Variants in RANBP2 observed in about 807,000 individuals in gnomAD.
The protein encoded by RANBP2 is E3 SUMO-protein ligase RanBP2.
RANBP2 carries 57 observed loss-of-function variants against 303.6 expected under a neutral mutation model. The observed-to-expected ratio is 0.19, with a 90% CI of 0.15 to 0.23. RANBP2 has a LOEUF of 0.23. RANBP2 is among the 10% of genes least tolerant of loss of function. The pLI is 1.00. For missense variants in RANBP2, 3,138 were observed against 3,780.8 expected (o/e 0.83, Z 4.46); for synonymous variants, 1,167 against 1,301.5 (o/e 0.90, Z 2.23).
chr2:108,982,991 T>C, the RANBP2 span, among the ~76,000 whole-genome samples: 19 of 152,342 alleles, frequency 1.2e-4, 3 homozygotes, highest in East Asian at 7.7e-4. Flanking sequence ...CTGCTGAATG[T>C]AAATGGTACT....
the RANBP2 span, among the ~76,000 whole-genome samples, chr2:109,608,806 C>G: frequency 1.9e-4 from 29 of 152,170 alleles, no homozygotes; most frequent in Non-Finnish European, 4.0e-4. Context: ...AAAGCATTAT[C>G]TAAATCAACC....
chr2:109,428,935 T>C, the RANBP2 span, among the ~76,000 whole-genome samples: 1 of 152,146 alleles, frequency 6.6e-6, no homozygotes, highest in Admixed American at 6.5e-5. Flanking sequence ...CCCAGGTGCA[T>C]GTGTCTACGA....
the RANBP2 span, among the ~76,000 whole-genome samples, chr2:109,281,864 G>C: frequency 6.6e-6 from 1 of 152,210 alleles, no homozygotes; most frequent in African/African-American, 2.4e-5. Flanking sequence ...CAGCGGGCTA[G>C]AGCTGACGGT....
chr2:109,303,660 C>T, the RANBP2 span, among the ~76,000 whole-genome samples: 2 of 152,226 alleles, frequency 1.3e-5, no homozygotes, highest in African/African-American at 4.8e-5. Context: ...GTGCAGGAGA[C>T]TGCCCACATT....
At chr2:109,008,858 C>T in the RANBP2 span, among the ~76,000 whole-genome samples, 6 of 150,120 alleles carry the variant, frequency 4.0e-5, no homozygotes, top group East Asian at 1.2e-3. Context: ...AAGATCGCAC[C>T]ACTGCACTCC....
At chr2:109,145,600 G>C in the RANBP2 span, among the ~76,000 whole-genome samples, 1 of 152,188 alleles carries the variant, frequency 6.6e-6, no homozygotes, top group South Asian at 2.1e-4. Context: ...ATGGTCGAGC[G>C]ACCTTTGGCA....
the RANBP2 span, among the ~76,000 whole-genome samples, chr2:109,087,476 G>A: frequency 1.1e-4 from 16 of 152,232 alleles, no homozygotes; most frequent in East Asian, 7.7e-4. Flanking sequence ...AACTCTGAGC[G>A]CAGGGCTCTC....
chr2:109,221,444 G>A, the RANBP2 span, among the ~76,000 whole-genome samples: 1 of 152,144 alleles, frequency 6.6e-6, no homozygotes, highest in Non-Finnish European at 1.5e-5. Flanking sequence ...TTAGCCAAGT[G>A]TGGTGGTGCA....
chr2:109,325,331 C>CTTTTTTT, the RANBP2 span, among the ~76,000 whole-genome samples: 42 of 66,230 alleles, frequency 6.3e-4, no homozygotes, highest in African/African-American at 1.1e-3. Flanking sequence ...TTCTTTCTTT[C>CTTTTTTT]TTTTTTTTTT....
chr2:109,136,898 A>G, the RANBP2 span, among the ~76,000 whole-genome samples: 2 of 152,248 alleles, frequency 1.3e-5, no homozygotes, highest in South Asian at 4.1e-4. Context: ...ACCTCACCAG[A>G]GAATCAGGGA....
the RANBP2 span, among the ~76,000 whole-genome samples, chr2:109,370,531 G>A: frequency 1.3e-5 from 2 of 152,102 alleles, no homozygotes; most frequent in South Asian, 2.1e-4. Context: ...GAGCCACCGC[G>A]CCCGGCCATC....
chr2:109,240,998 TGCCTCCCTTTTG>T, the RANBP2 span, among the ~76,000 whole-genome samples: 3 of 152,290 alleles, frequency 2.0e-5, no homozygotes, highest in South Asian at 6.2e-4. Context: ...AAAAACTCCA[TGCCTCCCTTTTG>T]GCCAAAAAGA....
At chr2:109,270,722 C>T in the RANBP2 span, among the ~76,000 whole-genome samples, 7 of 152,304 alleles carry the variant, frequency 4.6e-5, no homozygotes, top group African/African-American at 1.4e-4. Flanking sequence ...GGAGACCGTT[C>T]CTGGACTGTT....
the RANBP2 span, among the ~76,000 whole-genome samples, chr2:109,158,411 C>T: frequency 4.6e-5 from 7 of 152,252 alleles, no homozygotes; most frequent in African/African-American, 7.2e-5. Flanking sequence ...GGCTTGCCTT[C>T]GTGGGTCATT....
At chr2:109,559,800 G>A in the RANBP2 span, among the ~76,000 whole-genome samples, 1 of 151,712 alleles carries the variant, frequency 6.6e-6, no homozygotes, top group Non-Finnish European at 1.5e-5. Flanking sequence ...GCTGGCAATG[G>A]TTTCAGTTCA....
the RANBP2 span, among the ~76,000 whole-genome samples, chr2:109,353,936 G>A: frequency 6.6e-6 from 1 of 152,132 alleles, no homozygotes; most frequent in Non-Finnish European, 1.5e-5. Context: ...ACGTGAACAC[G>A]ATGGGAACAC....
At chr2:108,798,401 G>A in the RANBP2 span, 4 of 1,596,590 alleles carry the variant, frequency 2.5e-6, no homozygotes, top group South Asian at 2.3e-5. Context: ...CTTTTCAAGA[G>A]CATTAAAGTC....
the RANBP2 span, among the ~76,000 whole-genome samples, chr2:109,228,767 C>T: frequency 1.6e-4 from 24 of 152,144 alleles, no homozygotes; most frequent in African/African-American, 5.8e-4. Flanking sequence ...GCTTCCGTCT[C>T]TGTGGAGTTA....
the RANBP2 span, among the ~76,000 whole-genome samples, chr2:108,943,240 A>G: frequency 6.6e-6 from 1 of 152,222 alleles, no homozygotes; most frequent in East Asian, 1.9e-4. Context: ...CAAGCTCAGC[A>G]GAGGTACCTA....
Sources: allele counts gnomAD v4.1 joint callset (sites outside exome capture counted in the v4.1 genomes callset), GRCh38; gene constraint gnomAD v4.1.1; transcripts MANE v1.5; gene names NCBI Gene and HGNC (gene_info 2026-07-23, HGNC 2026-07-21).